NLRP1: variants seen among roughly 807,000 people sequenced by gnomAD.
NLRP1 encodes the protein NLR family pyrin domain containing 1.
A neutral mutation model predicts 136.7 loss-of-function variants in NLRP1; 94 were observed. The ratio of observed to expected loss-of-function variants is 0.69; its 90% CI spans 0.58 to 0.82. NLRP1 has a LOEUF of 0.82. Ranked by LOEUF, NLRP1 falls within the 40% of genes least tolerant of loss-of-function variation. NLRP1 has a pLI of 0.00. For missense variants in NLRP1, 1,575 were observed against 1,802.7 expected, an observed-to-expected ratio of 0.87 and a Z score of 2.29; for synonymous variants, 690 against 725.1, an observed-to-expected ratio of 0.95 and a Z score of 0.78.
intron 3 of NLRP1, among the ~76,000 whole-genome samples, chr17:5,576,962 G>A (rs141486013): frequency 6.6e-6 from 1 of 152,156 alleles, no homozygotes; most frequent in Non-Finnish European, 1.5e-5. Context: ...TTCAACATAC[G>A]CAAATCAATA....
At chr17:5,580,308 A>G (rs558829260) in intron 3 of NLRP1, among the ~76,000 whole-genome samples, 18 of 152,232 alleles carry the variant, frequency 1.2e-4, no homozygotes, top group African/African-American at 4.3e-4. Flanking sequence ...AACCCAACCT[A>G]ACAGGTACCA....
chr17:5,582,904 A>C, intron 1 of NLRP1, 58 bp from the exon 2 acceptor site: 1 of 1,402,910 alleles, frequency 7.1e-7, no homozygotes, highest in Non-Finnish European at 9.8e-7. Flanking sequence ...GCAAGGTGCC[A>C]GGGAACTGAG....
Position 5,514,968 on chromosome 17 carries a change from A to G in NLRP1, c.4208T>C (p.Leu1403Pro), listed in dbSNP as rs775762000. The G allele has an allele frequency of 6.8e-6, 11 of 1,614,178 alleles. No homozygotes were observed. Among genetic ancestry groups the G allele is most frequent in the Non-Finnish European group, 9.3e-6 (11 of 1,180,030 alleles). ...CTCCTGGCTCAGCACCTGTCCATGC[A>G]GTTTGTCCAAGACAACCTCCACCGA... Reference protein sequence around the residue: ...VTSVEVVLDKLHGQVLSQEQY... With the variant: ...VTSVEVVLDKPHGQVLSQEQY... Residue 1403 changes from leucine (L) to proline (P), a missense_variant, in exon 17 of 17, where the codon CTG (leucine) becomes CCG (proline). By Grantham distance (98) the Leu-to-Pro change is moderately conservative. Coordinates refer to ENST00000572272, the MANE Select transcript of NLRP1 (RefSeq NM_033004.4).
Position 5,556,468 on chromosome 17 carries a change from C to CAA in NLRP1, c.2357+1869_2357+1870dup, listed in dbSNP as rs35427956. 8.9e-3 allele frequency among the ~76,000 whole-genome samples: 1,150 copies of CAA among 129,538 alleles called. 10 individuals are homozygous for CAA. The highest frequency in any genetic ancestry group is 0.017 in the African/African-American group (542 of 32,502). 85.0% of individuals were successfully genotyped at this position (129,538 alleles called of 152,430 possible). ...GACTCCGTCTCAGACAACAACAAAC[C>CAA]AAAAAAAAAAAAAAATACCCCACAC... is the stretch of plus-strand genomic sequence containing the variant. On this transcript the variant is annotated intron_variant, in intron 4 of 16. Coordinates refer to ENST00000572272, the MANE Select transcript of NLRP1 (RefSeq NM_033004.4).
rs777859040 is a variant in NLRP1 at position 5,559,207 on chromosome 17, C to T, written c.1489G>A (p.Glu497Lys). The T allele has an allele frequency of 3.1e-6, 5 of 1,614,098 alleles. No individual in the cohort carries two copies. In the African/African-American group the frequency reaches 5.3e-5, roughly 17 times the overall value. Residue 497 changes from glutamate (E) to lysine (K), a missense_variant, in exon 4 of 17, where the codon GAA becomes AAA. By Grantham distance (56) the Glu-to-Lys change is moderately conservative. Coordinates refer to ENST00000572272, the MANE Select transcript of NLRP1 (RefSeq NM_033004.4). ...KEYFYRYFTD[E>K]RQAIRAFRLV... ...CTAAAGGCTCTAATTGCTTGCCTTT[C>T]ATCTGTGAAATATCTGTAGAAATAT...
intron 3 of NLRP1, among the ~76,000 whole-genome samples, chr17:5,560,573 G>A (rs537701459): frequency 7.4e-4 from 101 of 135,750 alleles, no homozygotes; most frequent in South Asian, 2.2e-3. Flanking sequence ...CCTGTAAGCC[G>A]GGTGGGCCAG....
intron 11 of NLRP1, among the ~76,000 whole-genome samples, chr17:5,532,146 C>G (rs758514129): frequency 6.6e-6 from 1 of 152,160 alleles, no homozygotes; most frequent in African/African-American, 2.4e-5. Flanking sequence ...ACTAGAGAGG[C>G]TGAGGCTGGA....
chr17:5,565,184 A>T (rs1384778734), intron 3 of NLRP1, among the ~76,000 whole-genome samples: 1 of 152,186 alleles, frequency 6.6e-6, no homozygotes, highest in Non-Finnish European at 1.5e-5. Flanking sequence ...AAGCCATTTT[A>T]GCTGGGGTGA....
chr17:5,572,083 T>C (rs1258812970), intron 3 of NLRP1, among the ~76,000 whole-genome samples: 1 of 152,196 alleles, frequency 6.6e-6, no homozygotes, highest in African/African-American at 2.4e-5. Context: ...CCTGATACTA[T>C]ATACAAAGAT....
intron 5 of NLRP1, among the ~76,000 whole-genome samples, chr17:5,552,084 CTTTTTTTTTTTTTTTTTTTTT>C (rs71151872): frequency 1.6e-4 from 15 of 96,678 alleles, no homozygotes; most frequent in African/African-American, 7.4e-4. Context: ...TCTATCTTTC[CTTTTTTTTTTTTTTTTTTTTT>C]TTTTTTTTTT....
intron 7 of NLRP1, among the ~76,000 whole-genome samples, chr17:5,539,117 C>T (rs539720173): frequency 3.3e-5 from 5 of 152,234 alleles, no homozygotes; most frequent in South Asian, 2.1e-4. Context: ...GTGATCCACC[C>T]GCCTCGGCCT....
At chr17:5,531,372 C>A (rs758890017) in intron 11 of NLRP1, among the ~76,000 whole-genome samples, 1 of 152,134 alleles carries the variant, frequency 6.6e-6, no homozygotes, top group Non-Finnish European at 1.5e-5. Flanking sequence ...CATGTCACCA[C>A]GTCCAGCTAA....
At chr17:5,535,524 G>A (rs1910931676) in intron 8 of NLRP1, among the ~76,000 whole-genome samples, 1 of 135,642 alleles carries the variant, frequency 7.4e-6, no homozygotes. Flanking sequence ...GGTCAAATAG[G>A]CCCATAGGTG....
Position 5,555,537 on chromosome 17 carries a change from T to C in NLRP1, c.2358-1981A>G, listed in dbSNP as rs78750610. ...CCTGGTGTTCTTGGTTCCCTTTGCCTATCCCAGCCCCCATCCCCCGGCCAG... is the reference window on the plus strand; with the variant it reads ...CCTGGTGTTCTTGGTTCCCTTTGCCCATCCCAGCCCCCATCCCCCGGCCAG... On this transcript the variant is annotated intron_variant, in intron 4 of 16. Coordinates refer to ENST00000572272, the MANE Select transcript of NLRP1 (RefSeq NM_033004.4). Among the ~76,000 whole-genome samples, 1,375 of 152,188 alleles carry C rather than the reference T, an allele frequency of 9.0e-3. 6 individuals are homozygous for C. The highest frequency in any genetic ancestry group is 0.017 in the Middle Eastern group (5 of 294).
chr17:5,563,169 C>T (rs553746520), intron 3 of NLRP1, among the ~76,000 whole-genome samples: 6 of 152,230 alleles, frequency 3.9e-5, no homozygotes, highest in Non-Finnish European at 5.9e-5. Context: ...AGCCCACACA[C>T]ACGAGAAAGA....
chr17:5,518,881 C>T (rs1236461609), intron 14 of NLRP1, among the ~76,000 whole-genome samples: 1 of 150,936 alleles, frequency 6.6e-6, no homozygotes, highest in Non-Finnish European at 1.5e-5. Context: ...CTCTGTTGAC[C>T]AGGTTGGAGT....
At position 5,544,827 on chromosome 17, in the gene NLRP1, TA is replaced by T. The variant is rs201893827; in HGVS notation, c.2529-2801del. Among the ~76,000 whole-genome samples, 1,324 of 152,154 alleles carry T rather than the reference TA, an allele frequency of 8.7e-3. 8 individuals are homozygous for T. The highest frequency in any genetic ancestry group is 0.037 in the Middle Eastern group (11 of 294). On this transcript the variant is annotated intron_variant, in intron 5 of 16. Transcript: ENST00000572272. ...TTTTAGTTAGGGAGGATAGTCTAGG[TA>T]AGAATAGGCTGAATTTCAGGAGCCT...
chr17:5,584,057 GTC>G lies in NLRP1; in HGVS notation c.-102_-101del. 1 of 1,195,700 alleles carries G rather than the reference GTC, an allele frequency of 8.4e-7. No individual in the cohort carries two copies. Among genetic ancestry groups the G allele is most frequent in the Non-Finnish European group, 1.2e-6 (1 of 865,118 alleles). 74.1% of individuals were successfully genotyped at this position (1,195,700 alleles called of 1,614,324 possible). A position where few individuals can be genotyped will look rare whatever the true frequency, so the allele number is the denominator to read the frequency against. ...GCTGTCCTTTGCCTTGGCTCTTACCGTCTCTTATTCAGCATTCGGAACCCAGT... is the reference window on the plus strand; with the variant it reads ...GCTGTCCTTTGCCTTGGCTCTTACCGTCTTATTCAGCATTCGGAACCCAGT... On this transcript the variant is annotated 5_prime_UTR_variant, in exon 1 of 17. It removes the in-frame stop codon of an upstream open reading frame in the 5' UTR. Coordinates refer to ENST00000572272, the MANE Select transcript of NLRP1 (RefSeq NM_033004.4).
chr17:5,575,382 T>G (rs914513274), intron 3 of NLRP1, among the ~76,000 whole-genome samples: 6 of 152,080 alleles, frequency 3.9e-5, no homozygotes, highest in Non-Finnish European at 8.8e-5. Context: ...GAAACCCATC[T>G]CACGTGCAAA....
Sources: gnomAD v4.1 joint callset for allele counts (sites outside exome capture counted in the v4.1 genomes callset) on GRCh38, gnomAD v4.1.1 for gene constraint, MANE v1.5 for transcripts, NCBI Gene and HGNC (gene_info 2026-07-23, HGNC 2026-07-21) for gene names.